Variants in RXFP1 observed in about 807,000 individuals in gnomAD.
The protein encoded by RXFP1 is relaxin receptor 1.
Under a neutral mutation model 89.8 loss-of-function variants are expected in RXFP1, and 73 were observed. That is an observed-to-expected ratio of 0.81 (90% confidence interval 0.67 to 0.99). RXFP1 has a LOEUF of 0.99. Among genes scored for constraint, RXFP1 ranks in the 50% least tolerant of loss-of-function variants. The pLI is 0.00. For synonymous variants in RXFP1, 277 were observed against 305.5 expected (o/e 0.91, Z 0.97); for missense variants, 793 against 895.5 (o/e 0.89, Z 1.46).
chr4:158,586,342 T>C lies in RXFP1; in HGVS notation c.188-7059T>C, dbSNP rs374439244. On this transcript the variant is annotated intron_variant, in intron 2 of 17. Transcript: ENST00000307765. Reference sequence around the variant, plus strand: ...AGACTTTATTTATAGCATGACTATATCATTTTTAGCTGAAAAGCTCTTTTT... The same window carrying C: ...AGACTTTATTTATAGCATGACTATACCATTTTTAGCTGAAAAGCTCTTTTT... Among the ~76,000 whole-genome samples the C allele has an allele frequency of 1.4e-4, 21 of 152,366 alleles. No homozygotes were observed. The East Asian group carries it at 3.5e-3, about 25-fold the overall frequency.
chr4:158,554,787 G>C (rs182369278), intron 1 of RXFP1, among the ~76,000 whole-genome samples: 1 of 151,886 alleles, frequency 6.6e-6, no homozygotes, highest in African/African-American at 2.4e-5. Context: ...CTGGAAATAA[G>C]TCATAGAGTA....
At chr4:158,598,117 C>T (rs1419734774) in intron 3 of RXFP1, among the ~76,000 whole-genome samples, 1 of 152,156 alleles carries the variant, frequency 6.6e-6, no homozygotes, top group Admixed American at 6.5e-5. Context: ...GCCACTGAGA[C>T]ACTTGCTTGC....
At chr4:158,528,555 C>T (rs1743184104) in intron 1 of RXFP1, among the ~76,000 whole-genome samples, 1 of 152,066 alleles carries the variant, frequency 6.6e-6, no homozygotes, top group African/African-American at 2.4e-5. Context: ...TGGATGTCTT[C>T]ACTATTAATA....
intron 2 of RXFP1, among the ~76,000 whole-genome samples, chr4:158,584,201 G>A (rs144566927): frequency 1.5e-4 from 23 of 152,148 alleles, no homozygotes; most frequent in African/African-American, 4.6e-4. Flanking sequence ...TTGGGAGGCC[G>A]AGGTGGGTGG....
intron 14 of RXFP1, among the ~76,000 whole-genome samples, chr4:158,639,930 C>G (rs1464236662): frequency 7.9e-5 from 12 of 152,246 alleles, no homozygotes; most frequent in Admixed American, 6.5e-5. Context: ...TGAAGACAGA[C>G]AGAGAAGATG....
intron 5 of RXFP1, among the ~76,000 whole-genome samples, chr4:158,606,533 C>T (rs1420636357): frequency 1.3e-5 from 2 of 152,040 alleles, no homozygotes; most frequent in African/African-American, 2.4e-5. Context: ...AAATGAGAAC[C>T]ATTCATTACC....
intron 3 of RXFP1, among the ~76,000 whole-genome samples, chr4:158,597,409 A>G (rs1760837608): frequency 6.6e-6 from 1 of 152,204 alleles, no homozygotes; most frequent in African/African-American, 2.4e-5. Flanking sequence ...TTGACCATTC[A>G]GAAGCTACCA....
chr4:158,538,781 G>A (rs1330925904), intron 1 of RXFP1, among the ~76,000 whole-genome samples: 1 of 146,926 alleles, frequency 6.8e-6, no homozygotes, highest in Non-Finnish European at 1.5e-5. Flanking sequence ...TCCAGCCTGG[G>A]CAACAAGAGT....
At chr4:158,576,094 G>T (rs1756133824) in intron 2 of RXFP1, among the ~76,000 whole-genome samples, 1 of 152,184 alleles carries the variant, frequency 6.6e-6, no homozygotes, top group African/African-American at 2.4e-5. Context: ...ATCTGGGAAA[G>T]ATCATAATTC....
In RXFP1 at chr4:158,617,107, CTTGT is replaced by C; in HGVS notation, c.681-19_681-16del. ...TGAGAAGAGAACCAGAAAAATGTGA[CTTGT>C]TTGTCTTTTCCTTTTTCAGAGTCCT... On this transcript the variant is annotated intron_variant, in intron 8 of 17. Coordinates refer to ENST00000307765, the MANE Select transcript of RXFP1 (RefSeq NM_021634.4). 1 of 1,542,026 alleles carries C rather than the reference CTTGT, an allele frequency of 6.5e-7. No individual in the cohort carries two copies.
At chr4:158,598,383 T>C (rs1761031696) in intron 3 of RXFP1, among the ~76,000 whole-genome samples, 1 of 152,142 alleles carries the variant, frequency 6.6e-6, no homozygotes, top group African/African-American at 2.4e-5. Flanking sequence ...GGACACAGTC[T>C]ACAGTGACAT....
intron 1 of RXFP1, among the ~76,000 whole-genome samples, chr4:158,530,605 G>C (rs1227329424): frequency 6.6e-6 from 1 of 152,214 alleles, no homozygotes; most frequent in Non-Finnish European, 1.5e-5. Flanking sequence ...TAGACAGAGT[G>C]ACATCATCAG....
intron 11 of RXFP1, among the ~76,000 whole-genome samples, chr4:158,631,005 C>A (rs1266312793): frequency 6.6e-6 from 1 of 152,174 alleles, no homozygotes; most frequent in African/African-American, 2.4e-5. Flanking sequence ...CAAGGTGTTT[C>A]CTGAGTTCAT....
intron 4 of RXFP1, among the ~76,000 whole-genome samples, chr4:158,601,078 G>A (rs568321804): frequency 1.6e-3 from 249 of 151,924 alleles, no homozygotes; most frequent in Middle Eastern, 3.4e-3. Context: ...TAACTAGAGA[G>A]GGCATGCCCC....
intron 1 of RXFP1, among the ~76,000 whole-genome samples, chr4:158,560,202 A>G (rs1267875993): frequency 6.6e-6 from 1 of 152,184 alleles, no homozygotes; most frequent in African/African-American, 2.4e-5. Flanking sequence ...CCACACCGTA[A>G]GCCATCTTTT....
intron 1 of RXFP1, among the ~76,000 whole-genome samples, chr4:158,538,585 G>A (rs776179277): frequency 4.6e-5 from 7 of 152,142 alleles, no homozygotes; most frequent in South Asian, 2.1e-4. Context: ...AAGCCAAGGC[G>A]GGCAGATCAC....
intron 1 of RXFP1, among the ~76,000 whole-genome samples, chr4:158,563,769 GAT>G (rs1561017540): frequency 6.6e-6 from 1 of 151,114 alleles, no homozygotes; most frequent in African/African-American, 2.4e-5. Context: ...ATATGACAGC[GAT>G]CCCATAAGAT....
intron 1 of RXFP1, among the ~76,000 whole-genome samples, chr4:158,556,224 C>CAAAAAAAAAAAAAAAAAAAA (rs11337872): frequency 7.5e-6 from 1 of 132,480 alleles, no homozygotes; most frequent in Non-Finnish European, 1.6e-5. Flanking sequence ...AACTTAACAG[C>CAAAAAAAAAAAAAAAAAAAA]AAAAAAAAAA....
At chr4:158,604,570 T>C (rs768392509) in intron 4 of RXFP1, among the ~76,000 whole-genome samples, 2 of 152,204 alleles carry the variant, frequency 1.3e-5, no homozygotes, top group Admixed American at 6.5e-5. Context: ...TTCTTAGAAG[T>C]TGAAATGGAA....
Sources: allele counts gnomAD v4.1 joint callset (sites outside exome capture counted in the v4.1 genomes callset), GRCh38; gene constraint gnomAD v4.1.1; transcripts MANE v1.5; gene names NCBI Gene and HGNC (gene_info 2026-07-23, HGNC 2026-07-21).